Variants in KIF13A observed in about 807,000 individuals in gnomAD.
KIF13A encodes the protein kinesin family member 13A.
A neutral mutation model predicts 212.2 loss-of-function variants in KIF13A; 79 were observed. The observed-to-expected ratio is 0.37, with a 90% CI of 0.31 to 0.45. KIF13A has a LOEUF of 0.45. KIF13A is among the 20% of genes least tolerant of loss of function. The pLI is 1.00. For synonymous variants in KIF13A, 789 were observed against 808.6 expected (o/e 0.98, Z 0.41); for missense variants, 1,901 against 2,209.0 (o/e 0.86, Z 2.79).
At chr6:17,902,447 C>T (rs1002023613) in intron 2 of KIF13A, among the ~76,000 whole-genome samples, 10 of 152,094 alleles carry the variant, frequency 6.6e-5, no homozygotes, top group African/African-American at 2.4e-4. Context: ...TCTTATTTTC[C>T]ACATTGATAG....
In KIF13A at chr6:17,888,253, G is replaced by C. The variant is rs1771729651; in HGVS notation, c.159+9915C>G. 6.6e-6 allele frequency among the ~76,000 whole-genome samples: 1 copy of C among 152,124 alleles called. No homozygotes were observed. Among genetic ancestry groups the C allele is most frequent in the Non-Finnish European group, 1.5e-5 (1 of 68,020 alleles). ...AAACTACTAGTTTAGTCACTCTTGAGCCTAGGAAACAATTCCTAGGAAAAA... is the reference window on the plus strand; with the variant it reads ...AAACTACTAGTTTAGTCACTCTTGACCCTAGGAAACAATTCCTAGGAAAAA... On this transcript the variant is annotated intron_variant, in intron 3 of 38. Coordinates refer to ENST00000259711, the MANE Select transcript of KIF13A (RefSeq NM_022113.6). This position sits in a 1 kb window ranked among gnomAD's most constrained non-coding sequence, Gnocchi z 4.8.
chr6:17,927,648 A>G (rs1182208186), intron 2 of KIF13A, among the ~76,000 whole-genome samples: 3 of 152,368 alleles, frequency 2.0e-5, no homozygotes, highest in East Asian at 3.9e-4. Flanking sequence ...GTACACTTTT[A>G]AACGGCTAAA....
intron 11 of KIF13A, among the ~76,000 whole-genome samples, chr6:17,836,146 T>C (rs981993929): frequency 5.1e-4 from 77 of 152,212 alleles, no homozygotes; most frequent in African/African-American, 1.8e-3. Flanking sequence ...AGAAAGAAGA[T>C]AACAATGCAA....
At chr6:17,813,816 T>C (rs1393939166) in intron 17 of KIF13A, among the ~76,000 whole-genome samples, 3 of 152,144 alleles carry the variant, frequency 2.0e-5, no homozygotes, top group Admixed American at 2.0e-4. Flanking sequence ...ACCATCTGGG[T>C]AAATCATTTA....
Position 17,947,374 on chromosome 6 carries a change from T to C in KIF13A, c.146+39680A>G, listed in dbSNP as rs1777494766. On this transcript the variant is annotated intron_variant, in intron 2 of 38. Coordinates refer to ENST00000259711, the MANE Select transcript of KIF13A (RefSeq NM_022113.6). The surrounding 1 kb of genome is among the most constrained non-coding windows in gnomAD (Gnocchi z 4.6). ...AATAAAGCAAATTTAAATACTTCTA[T>C]TTTTAAAAGATCAACATAAGGAGAA... is the stretch of plus-strand genomic sequence containing the variant. 6.6e-6 allele frequency among the ~76,000 whole-genome samples: 1 copy of C among 152,210 alleles called. No homozygotes were observed. The highest frequency in any genetic ancestry group is 1.5e-5 in the Non-Finnish European group (1 of 68,032).
chr6:17,920,565 C>G (rs1774968190), intron 2 of KIF13A, among the ~76,000 whole-genome samples: 1 of 152,190 alleles, frequency 6.6e-6, no homozygotes. Context: ...TACCTATTCA[C>G]TCTACTTTCA....
At position 17,936,806 on chromosome 6, in the gene KIF13A, T is replaced by C. The variant is rs1302688717; in HGVS notation, c.147-38626A>G. Among the ~76,000 whole-genome samples, 5 of 152,144 alleles carry C rather than the reference T, an allele frequency of 3.3e-5. No homozygotes were observed. In the East Asian group the frequency reaches 9.6e-4, roughly 29 times the overall value. On this transcript the variant is annotated intron_variant, in intron 2 of 38. Coordinates refer to ENST00000259711, the MANE Select transcript of KIF13A (RefSeq NM_022113.6). ...AATGATGAAATTTCTATAAAGCAGA[T>C]TTATGTGTTACATTTAAGTGTGTTT... is the stretch of plus-strand genomic sequence containing the variant.
chr6:17,852,617 T>C (rs1767766308), intron 6 of KIF13A, among the ~76,000 whole-genome samples: 1 of 152,152 alleles, frequency 6.6e-6, no homozygotes. Flanking sequence ...GTGGCTTCAC[T>C]ATTCTGCCCA....
intron 2 of KIF13A, among the ~76,000 whole-genome samples, chr6:17,976,710 G>A (rs1052588925): frequency 6.6e-6 from 1 of 151,938 alleles, no homozygotes; most frequent in Non-Finnish European, 1.5e-5. Flanking sequence ...CGCCGAGAGC[G>A]AGCGAGGGCT....
At position 17,828,467 on chromosome 6, in the gene KIF13A, C is replaced by T; in HGVS notation, c.1402-97G>A. ...TTTGAATAACGCAGCAGCATATGCA[C>T]AAAAATATTAAACGAATCCTGCCAG... On this transcript the variant is annotated intron_variant, in intron 13 of 38. Transcript: ENST00000259711. This position sits in a 1 kb window ranked among gnomAD's most constrained non-coding sequence, Gnocchi z 4.3. 3.0e-6 allele frequency: 3 copies of T among 993,312 alleles called. No individual in the cohort carries two copies. The highest frequency in any genetic ancestry group is 1.6e-5 in the African/African-American group (1 of 61,140). The allele number at this position is 993,312 out of a possible 1,614,324, so 61.5% of individuals were successfully genotyped here.
chr6:17,865,705 T>C (rs1338742743), intron 4 of KIF13A, among the ~76,000 whole-genome samples: 1 of 152,362 alleles, frequency 6.6e-6, no homozygotes, highest in East Asian at 1.9e-4. Flanking sequence ...AAGGCTTGAC[T>C]TGGTATTGCT....
intron 2 of KIF13A, among the ~76,000 whole-genome samples, chr6:17,959,795 C>T (rs916354438): frequency 2.0e-5 from 3 of 152,068 alleles, no homozygotes; most frequent in Non-Finnish European, 1.5e-5. Flanking sequence ...AGGCCGAGGC[C>T]GGCGGATCAC....
chr6:17,776,883 T>C lies in KIF13A; in HGVS notation c.4170+394A>G, dbSNP rs112284281. Reference sequence around the variant, plus strand: ...AGAGTGCCTACATGCAGTGGCTGACTCCTTATCACACTGATGGTGGCAGAC... The same window carrying C: ...AGAGTGCCTACATGCAGTGGCTGACCCCTTATCACACTGATGGTGGCAGAC... On this transcript the variant is annotated intron_variant, in intron 34 of 38. Coordinates refer to ENST00000259711, the MANE Select transcript of KIF13A (RefSeq NM_022113.6). This position sits in a 1 kb window ranked among gnomAD's most constrained non-coding sequence, Gnocchi z 4.6. 7.2e-3 allele frequency among the ~76,000 whole-genome samples: 1,103 copies of C among 152,294 alleles called. 8 individuals are homozygous for C. The highest frequency in any genetic ancestry group is 0.014 in the South Asian group (67 of 4,820).
rs1213287160 is a variant in KIF13A, at chr6:17,987,578, C to G, written c.-115G>C. ...CCCTCGAGCGCGGCCGCCGCCGCTCCGCCGTGAGCTCCGAGAGGCAGCGCC... is the reference window on the plus strand; with the variant it reads ...CCCTCGAGCGCGGCCGCCGCCGCTCGGCCGTGAGCTCCGAGAGGCAGCGCC... On this transcript the variant is annotated 5_prime_UTR_variant, in exon 1 of 39. Coordinates refer to ENST00000259711, the MANE Select transcript of KIF13A (RefSeq NM_022113.6). The surrounding 1 kb of genome is among the most constrained non-coding windows in gnomAD (Gnocchi z 7.7). The G allele has an allele frequency of 2.2e-6, 1 of 451,196 alleles. No individual in the cohort carries two copies. The highest frequency in any genetic ancestry group is 6.6e-5 in the Admixed American group (1 of 15,080). 27.9% of individuals were successfully genotyped at this position (451,196 alleles called of 1,614,324 possible). A position where few individuals can be genotyped will look rare whatever the true frequency, so the allele number is the denominator to read the frequency against.
At chr6:17,946,695 C>G (rs1316666133) in intron 2 of KIF13A, among the ~76,000 whole-genome samples, 1 of 152,216 alleles carries the variant, frequency 6.6e-6, no homozygotes, top group African/African-American at 2.4e-5. Context: ...ATCAATTTTA[C>G]ATGCACATAG....
intron 2 of KIF13A, among the ~76,000 whole-genome samples, chr6:17,933,083 G>A (rs1004832127): frequency 1.1e-4 from 16 of 152,032 alleles, no homozygotes; most frequent in Non-Finnish European, 2.1e-4. Flanking sequence ...CTGTGACCTC[G>A]GCCATATCCT....
chr6:17,976,555 C>T (rs1031675497), intron 2 of KIF13A, among the ~76,000 whole-genome samples: 84 of 152,296 alleles, frequency 5.5e-4, no homozygotes, highest in African/African-American at 7.9e-4. Flanking sequence ...CCCCGGTTCC[C>T]GCTCGCGCCT....
chr6:17,906,509 T>C (rs1773517664), intron 2 of KIF13A, among the ~76,000 whole-genome samples: 1 of 148,382 alleles, frequency 6.7e-6, no homozygotes, highest in Non-Finnish European at 1.5e-5. Context: ...AGTGCAATGA[T>C]GTGATGACAG....
chr6:17,981,339 T>C (rs930473895), intron 2 of KIF13A, among the ~76,000 whole-genome samples: 3 of 152,102 alleles, frequency 2.0e-5, no homozygotes, highest in African/African-American at 7.2e-5. Flanking sequence ...GTAAAATGTA[T>C]TTTTAACTGT....
Sources: allele counts gnomAD v4.1 joint callset (sites outside exome capture counted in the v4.1 genomes callset), GRCh38; gene constraint gnomAD v4.1.1; non-coding constraint Gnocchi (gnomAD v3.1); transcripts MANE v1.5; gene names NCBI Gene and HGNC (gene_info 2026-07-23, HGNC 2026-07-21).